HLCS: variants seen among roughly 807,000 people sequenced by gnomAD.
HLCS encodes biotin--protein ligase.
A neutral mutation model predicts 75.0 loss-of-function variants in HLCS; 53 were observed. The ratio of observed to expected loss-of-function variants is 0.71; its 90% confidence interval spans 0.57 to 0.89. The LOEUF is 0.89. Among genes scored for constraint, HLCS ranks in the 40% least tolerant of loss-of-function variants. The pLI, the probability that HLCS is intolerant of heterozygous loss-of-function variation, is 0.00. For synonymous variants in HLCS, 431 were observed against 428.6 expected (o/e 1.01, Z -0.07); for missense variants, 966 against 1,074.0 (o/e 0.90, Z 1.41).
intron 8 of HLCS, among the ~76,000 whole-genome samples, chr21:36,760,420 C>T (rs561886254): frequency 5.3e-5 from 8 of 152,138 alleles, no homozygotes; most frequent in African/African-American, 1.9e-4. Flanking sequence ...ACCAGTCTGG[C>T]CAACATAGTG....
intron 5 of HLCS, among the ~76,000 whole-genome samples, chr21:36,924,432 C>T (rs2066310923): frequency 6.6e-6 from 1 of 152,110 alleles, no homozygotes; most frequent in Non-Finnish European, 1.5e-5. Flanking sequence ...TGGTGATGGG[C>T]ACCTGTAACC....
intron 5 of HLCS, among the ~76,000 whole-genome samples, chr21:36,900,573 A>G (rs2065196937): frequency 6.6e-6 from 1 of 152,146 alleles, no homozygotes; most frequent in Admixed American, 6.5e-5. Flanking sequence ...GTTCTGGGGA[A>G]GGTCGTGGGA....
chr21:36,848,874 C>T (rs1029967137), intron 6 of HLCS, among the ~76,000 whole-genome samples: 5 of 152,206 alleles, frequency 3.3e-5, no homozygotes, highest in African/African-American at 1.2e-4. Flanking sequence ...AAAAAGAAAT[C>T]CCAAAGGATG....
At chr21:36,949,464 T>C (rs76204744) in intron 2 of HLCS, among the ~76,000 whole-genome samples, 1 of 152,200 alleles carries the variant, frequency 6.6e-6, no homozygotes, top group Admixed American at 6.5e-5. Flanking sequence ...GACTCCCAGA[T>C]GGCATGTTCC....
intron 6 of HLCS, among the ~76,000 whole-genome samples, chr21:36,873,984 G>A (rs549087847): frequency 1.2e-4 from 18 of 152,158 alleles, no homozygotes; most frequent in Admixed American, 2.0e-4. Flanking sequence ...CTTCTTAGTC[G>A]CAAGTCATGA....
Position 36,748,647 on chromosome 21 carries a change from T to G in HLCS, c.*5599A>C. ...AGAGTCTCATTATTTTTGTTTTTAT[T>G]TAACCCTTTCTTCAATACAAAAAGC... On this transcript the variant is annotated 3_prime_UTR_variant, in exon 11 of 11. Transcript: ENST00000674895. 6.6e-6 allele frequency: 1 copy of G among 152,368 alleles called. No individual in the cohort carries two copies. Among genetic ancestry groups the G allele is most frequent in the East Asian group, 1.9e-4 (1 of 5,196 alleles). The allele number at this position is 152,368 out of a possible 1,614,324, so 9.4% of individuals were successfully genotyped here. A position where few individuals can be genotyped will look rare whatever the true frequency, so the allele number is the denominator to read the frequency against.
chr21:36,864,068 C>A (rs994534274), intron 6 of HLCS, among the ~76,000 whole-genome samples: 17 of 152,166 alleles, frequency 1.1e-4, no homozygotes, highest in Admixed American at 1.0e-3. Context: ...TCAAAGGAAT[C>A]AAATTATCAT....
intron 6 of HLCS, among the ~76,000 whole-genome samples, chr21:36,798,042 G>C (rs779084326): frequency 1.3e-5 from 2 of 152,194 alleles, no homozygotes; most frequent in Non-Finnish European, 2.9e-5. Context: ...AAGCTAACAC[G>C]TGAGCAGAGA....
At chr21:36,774,471 T>G (rs1472078233) in intron 6 of HLCS, among the ~76,000 whole-genome samples, 1 of 152,164 alleles carries the variant, frequency 6.6e-6, no homozygotes, top group Non-Finnish European at 1.5e-5. Flanking sequence ...TGATGGAATT[T>G]GCAAAGTGGT....
chr21:36,949,492 C>A (rs2067569561), intron 2 of HLCS, among the ~76,000 whole-genome samples: 1 of 152,212 alleles, frequency 6.6e-6, no homozygotes, highest in Non-Finnish European at 1.5e-5. Flanking sequence ...CAGATGGAGG[C>A]TCCAAGGTTT....
chr21:36,766,847 A>G (rs1300889557), intron 7 of HLCS, among the ~76,000 whole-genome samples: 1 of 151,962 alleles, frequency 6.6e-6, no homozygotes, highest in Non-Finnish European at 1.5e-5. Flanking sequence ...GGCCTCCCAC[A>G]TGACGCTCAG....
Position 36,896,859 on chromosome 21 carries a change from C to A in HLCS, c.1892+1G>T. 6.2e-7 allele frequency: 1 copy of A among 1,613,960 alleles called. No homozygotes were observed. The highest frequency in any genetic ancestry group is 8.5e-7 in the Non-Finnish European group (1 of 1,179,876). On this transcript the variant is annotated splice_donor_variant, in intron 6 of 10. Coordinates refer to ENST00000674895, the MANE Select transcript of HLCS (RefSeq NM_001352514.2). LOFTEE classifies it high-confidence loss of function. ...CAGATGCAGACCTGCTCACACCTTA[C>A]CCATCCAGGAGACGCATCGTTGTGG... is the stretch of plus-strand genomic sequence containing the variant.
intron 6 of HLCS, among the ~76,000 whole-genome samples, chr21:36,824,380 A>G (rs2061943532): frequency 6.6e-6 from 1 of 152,200 alleles, no homozygotes; most frequent in South Asian, 2.1e-4. Flanking sequence ...CACAAGTAGG[A>G]GCTCAACAAT....
intron 6 of HLCS, among the ~76,000 whole-genome samples, chr21:36,840,475 G>A (rs1055308390): frequency 5.9e-5 from 9 of 152,002 alleles, no homozygotes; most frequent in Admixed American, 5.2e-4. Context: ...CTCTTATAGT[G>A]AAATCATGAG....
chr21:36,886,883 T>G (rs1210173351), intron 6 of HLCS, among the ~76,000 whole-genome samples: 2 of 152,022 alleles, frequency 1.3e-5, no homozygotes, highest in Non-Finnish European at 2.9e-5. Flanking sequence ...TCCCAGCACT[T>G]TGAAAGGCCG....
chr21:36,835,186 G>A (rs150970491), intron 6 of HLCS, among the ~76,000 whole-genome samples: 1 of 152,270 alleles, frequency 6.6e-6, no homozygotes, highest in Non-Finnish European at 1.5e-5. Flanking sequence ...TGATTCAGAT[G>A]ATCAGTAAAG....
At chr21:36,924,893 C>A (rs934847128) in intron 5 of HLCS, among the ~76,000 whole-genome samples, 11 of 152,142 alleles carry the variant, frequency 7.2e-5, no homozygotes, top group Admixed American at 2.0e-4. Flanking sequence ...CTTCATAAAG[C>A]TATCAACGTC....
At chr21:36,860,392 G>A (rs559436471) in intron 6 of HLCS, among the ~76,000 whole-genome samples, 1 of 130,914 alleles carries the variant, frequency 7.6e-6, no homozygotes, top group South Asian at 2.6e-4. Context: ...AGGAAGTCAG[G>A]CTAATTCCCC....
At chr21:36,898,206 G>A (rs2065088867) in intron 5 of HLCS, among the ~76,000 whole-genome samples, 1 of 152,104 alleles carries the variant, frequency 6.6e-6, no homozygotes, top group South Asian at 2.1e-4. Flanking sequence ...AGCACTTTGG[G>A]AGGCCCAGGC....
Sources: gnomAD v4.1 joint callset for allele counts (sites outside exome capture counted in the v4.1 genomes callset) on GRCh38, gnomAD v4.1.1 for gene constraint, MANE v1.5 for transcripts, NCBI Gene and HGNC (gene_info 2026-07-23, HGNC 2026-07-21) for gene names.